Variants in SAMD12 observed in about 807,000 individuals in gnomAD.
SAMD12 encodes sterile alpha motif domain containing 12.
In SAMD12, 9 loss-of-function variants were observed where a neutral mutation model predicts 15.0. The observed-to-expected ratio is 0.60, with a 90% CI of 0.36 to 1.05. The LOEUF (loss-of-function observed/expected upper bound fraction) is 1.05, where lower values mean the gene tolerates loss of function less well. SAMD12 is among the 50% of genes least tolerant of loss of function. The pLI is 0.01. For missense variants in SAMD12, 230 were observed against 234.2 expected (o/e 0.98, Z 0.12); for synonymous variants, 86 against 90.1 (o/e 0.96, Z 0.25).
chr8:118,292,907 G>T (rs1487461683), intron 4 of SAMD12, among the ~76,000 whole-genome samples: 4 of 125,776 alleles, frequency 3.2e-5, no homozygotes, highest in Non-Finnish European at 6.6e-5. Flanking sequence ...GTGGTGGGGT[G>T]GGGGGAGGGG....
intron 2 of SAMD12, among the ~76,000 whole-genome samples, chr8:118,564,676 A>T (rs1826801576): frequency 1.3e-5 from 2 of 152,234 alleles, no homozygotes; most frequent in African/African-American, 2.4e-5. Context: ...TTACAGCCTA[A>T]GAGTATGCAG....
chr8:118,397,791 A>AAATTT (rs10699221), intron 3 of SAMD12, among the ~76,000 whole-genome samples: 106,649 of 151,258 alleles, frequency 0.71, 38,770 homozygotes, highest in African/African-American at 0.85. Flanking sequence ...TGGGACTTGC[A>AAATTT]AATTAATTAA....
intron 2 of SAMD12, among the ~76,000 whole-genome samples, chr8:118,524,551 G>T (rs925124940): frequency 6.6e-6 from 1 of 152,118 alleles, no homozygotes; most frequent in Admixed American, 6.6e-5. Context: ...TCATATGCCA[G>T]TGCCAATGCC....
At chr8:118,176,362 G>T in the SAMD12 span, among the ~76,000 whole-genome samples, 1 of 152,262 alleles carries the variant, frequency 6.6e-6, no homozygotes, top group Middle Eastern at 3.4e-3. Context: ...ACACATGCAT[G>T]TGTATGTTCA....
At chr8:118,147,697 A>G in the SAMD12 span, among the ~76,000 whole-genome samples, 2 of 152,114 alleles carry the variant, frequency 1.3e-5, no homozygotes, top group South Asian at 4.1e-4. Context: ...GTTAAAGAAC[A>G]TGTCTAAGGT....
chr8:118,149,560 G>A, the SAMD12 span, among the ~76,000 whole-genome samples: 1 of 152,022 alleles, frequency 6.6e-6, no homozygotes. Flanking sequence ...GTCTTTCAAA[G>A]AACAGAAATT....
chr8:118,178,629 C>T, the SAMD12 span, among the ~76,000 whole-genome samples: 324 of 152,160 alleles, frequency 2.1e-3, 1 homozygote, highest in Non-Finnish European at 3.6e-3. Flanking sequence ...CCATTCCCAG[C>T]TAAATTTTGT....
chr8:118,176,816 A>C, the SAMD12 span, among the ~76,000 whole-genome samples: 25 of 152,296 alleles, frequency 1.6e-4, no homozygotes, highest in South Asian at 2.1e-4. Flanking sequence ...TTAAAAAAAA[A>C]CCACTATTGT....
chr8:118,438,337 A>AT (rs1227765072), intron 3 of SAMD12, among the ~76,000 whole-genome samples: 1 of 152,152 alleles, frequency 6.6e-6, no homozygotes, highest in Non-Finnish European at 1.5e-5. Flanking sequence ...ATATTTAGAC[A>AT]TATCAATGTG....
chr8:118,497,739 G>GGGGGGGGA (rs1824665092), intron 2 of SAMD12, among the ~76,000 whole-genome samples: 5 of 58,244 alleles, frequency 8.6e-5, no homozygotes, highest in African/African-American at 3.9e-4. Flanking sequence ...GGGGTGGGGG[G>GGGGGGGGA]AAAGAAAAAA....
chr8:118,526,846 T>G (rs1825550914), intron 2 of SAMD12, among the ~76,000 whole-genome samples: 1 of 152,192 alleles, frequency 6.6e-6, no homozygotes, highest in Non-Finnish European at 1.5e-5. Flanking sequence ...GGAAGACGTA[T>G]GCTGATCTGC....
chr8:118,150,162 G>A, the SAMD12 span, among the ~76,000 whole-genome samples: 1 of 152,160 alleles, frequency 6.6e-6, no homozygotes, highest in African/African-American at 2.4e-5. Flanking sequence ...ACAACAAAGA[G>A]TTATCTAGTT....
chr8:118,189,821 T>A (rs1254592164), exon 5 of SAMD12: 1 of 151,812 alleles, frequency 6.6e-6, no homozygotes, highest in Non-Finnish European at 1.5e-5. Context: ...TTTCTAAACA[T>A]CTTATGCCCT....
At chr8:118,462,738 T>A (rs192952191) in intron 2 of SAMD12, among the ~76,000 whole-genome samples, 88 of 152,200 alleles carry the variant, frequency 5.8e-4, no homozygotes, top group African/African-American at 2.0e-3. Flanking sequence ...AAGGACCACA[T>A]GGGAAGACAT....
intron 2 of SAMD12, among the ~76,000 whole-genome samples, chr8:118,564,939 T>C (rs1826806625): frequency 6.6e-6 from 1 of 152,146 alleles, no homozygotes; most frequent in African/African-American, 2.4e-5. Context: ...AAGTTGGAAA[T>C]TGCACTGGGG....
At chr8:118,567,570 G>A (rs1030909356) in intron 2 of SAMD12, among the ~76,000 whole-genome samples, 2 of 152,134 alleles carry the variant, frequency 1.3e-5, no homozygotes, top group African/African-American at 4.8e-5. Context: ...ATTATCTAAG[G>A]GACAAAGAGG....
intron 1 of SAMD12, among the ~76,000 whole-genome samples, chr8:118,613,150 A>G (rs1255624532): frequency 1.3e-5 from 2 of 152,218 alleles, no homozygotes; most frequent in Non-Finnish European, 2.9e-5. Flanking sequence ...CTATACATTT[A>G]CCAAAACTTA....
At chr8:118,167,056 G>A in the SAMD12 span, among the ~76,000 whole-genome samples, 3 of 152,178 alleles carry the variant, frequency 2.0e-5, no homozygotes, top group Non-Finnish European at 2.9e-5. Context: ...ATGTGGGAGA[G>A]TGGGTACTCT....
At chr8:118,566,000 C>A (rs1563587611) in intron 2 of SAMD12, among the ~76,000 whole-genome samples, 3 of 152,242 alleles carry the variant, frequency 2.0e-5, no homozygotes, top group African/African-American at 7.2e-5. Flanking sequence ...TCCTCATCTC[C>A]CTGTTTCTGT....
Sources: allele counts gnomAD v4.1 joint callset (sites outside exome capture counted in the v4.1 genomes callset), GRCh38; gene constraint gnomAD v4.1.1; transcripts MANE v1.5; gene names NCBI Gene and HGNC (gene_info 2026-07-23, HGNC 2026-07-21).